The following TMEM71 variants were observed in gnomAD, a reference collection of about 807,000 sequenced individuals.
TMEM71 encodes transmembrane protein 71.
Under a neutral mutation model 38.0 loss-of-function variants are expected in TMEM71, and 44 were observed. The observed-to-expected ratio is 1.16, with a 90% CI of 0.91 to 1.49. The LOEUF is 1.49. Ranked by LOEUF, TMEM71 falls within the 40% of genes most tolerant of loss-of-function variation. The probability of loss-of-function intolerance (pLI) is 0.00; values close to 1 mark genes in which losing one functional copy is unlikely to be tolerated. For missense variants in TMEM71, 367 were observed against 348.6 expected (o/e 1.05, Z -0.42); for synonymous variants, 133 against 122.5 (o/e 1.09, Z -0.56).
At chr8:132,744,822 A>G (rs1200554808) in intron 5 of TMEM71, among the ~76,000 whole-genome samples, 1 of 152,206 alleles carries the variant, frequency 6.6e-6, no homozygotes, top group Non-Finnish European at 1.5e-5. Context: ...GTACTGGTAC[A>G]AAAACAAATT....
chr8:132,767,734 C>A, the TMEM71 span, among the ~76,000 whole-genome samples: 2 of 152,148 alleles, frequency 1.3e-5, no homozygotes, highest in Non-Finnish European at 2.9e-5. Context: ...CTTGGCCTCC[C>A]AAAGTGCTGG....
the TMEM71 span, among the ~76,000 whole-genome samples, chr8:132,771,501 T>C: frequency 3.3e-5 from 5 of 152,240 alleles, no homozygotes; most frequent in African/African-American, 1.2e-4. Context: ...CAGAGATCCA[T>C]GTGGCTCTGA....
At chr8:132,748,441 C>G (rs1406978135) in intron 4 of TMEM71, among the ~76,000 whole-genome samples, 1 of 152,168 alleles carries the variant, frequency 6.6e-6, no homozygotes, top group Non-Finnish European at 1.5e-5. Flanking sequence ...CAGTTGCCCA[C>G]AACAAATAAT....
intron 7 of TMEM71, among the ~76,000 whole-genome samples, chr8:132,721,140 A>T (rs556659914): frequency 6.6e-5 from 10 of 152,206 alleles, no homozygotes; most frequent in Non-Finnish European, 1.0e-4. Context: ...TATCTGGAGG[A>T]TTCTAAGAGG....
chr8:132,738,605 AT>A (rs1016989821), intron 5 of TMEM71, among the ~76,000 whole-genome samples: 4 of 152,210 alleles, frequency 2.6e-5, no homozygotes, highest in Non-Finnish European at 4.4e-5. Context: ...GAATCAAAAA[AT>A]ATTCTTGATT....
In TMEM71 at chr8:132,760,545, C is replaced by G. The variant is rs1287720125; in HGVS notation, c.-106G>C. 6.6e-6 allele frequency: 1 copy of G among 152,238 alleles called. No individual in the cohort carries two copies. Among genetic ancestry groups the G allele is most frequent in the East Asian group, 1.9e-4 (1 of 5,198 alleles). The allele number at this position is 152,238 out of a possible 1,614,324, so 9.4% of individuals were successfully genotyped here. On this transcript the variant is annotated 5_prime_UTR_variant, in exon 1 of 10. Transcript: ENST00000677595. Reference sequence around the variant, plus strand: ...TGCAGAGAAGTTTTGTCTTCGGCAGCCTCTTGTTCTCTTGTCTGTTTCCTG... The same window carrying G: ...TGCAGAGAAGTTTTGTCTTCGGCAGGCTCTTGTTCTCTTGTCTGTTTCCTG...
At chr8:132,762,649 T>A (rs1399302107), upstream of TMEM71, among the ~76,000 whole-genome samples, 2 of 152,228 alleles carry the variant, frequency 1.3e-5, no homozygotes, top group African/African-American at 4.8e-5. Context: ...GTATTATTAT[T>A]CTCATTTTAC....
intron 6 of TMEM71, among the ~76,000 whole-genome samples, chr8:132,726,369 A>G (rs930187152): frequency 6.6e-6 from 1 of 152,156 alleles, no homozygotes; most frequent in African/African-American, 2.4e-5. Flanking sequence ...CAGTGAAGTG[A>G]ATATTTATGA....
In TMEM71 at chr8:132,757,310, A is replaced by T. The variant is rs1586808395; in HGVS notation, c.41-16T>A. Reference sequence around the variant, plus strand: ...CTGGAAGAACCTGCATAAACAAATGAGAGAGAAGTAGAATGTATCATACCT... The same window carrying T: ...CTGGAAGAACCTGCATAAACAAATGTGAGAGAAGTAGAATGTATCATACCT... On this transcript the variant is annotated splice_polypyrimidine_tract_variant and intron_variant, in intron 2 of 9. Coordinates refer to ENST00000677595, the MANE Select transcript of TMEM71 (RefSeq NM_001382403.1). 1.7e-6 allele frequency: 1 copy of T among 580,984 alleles called. No individual in the cohort carries two copies. Among genetic ancestry groups the T allele is most frequent in the Non-Finnish European group, 2.4e-6 (1 of 412,516 alleles). The allele number at this position is 580,984 out of a possible 1,614,324, so 36.0% of individuals were successfully genotyped here.
chr8:132,766,431 A>G, the TMEM71 span, among the ~76,000 whole-genome samples: 1 of 151,922 alleles, frequency 6.6e-6, no homozygotes, highest in Non-Finnish European at 1.5e-5. Flanking sequence ...AAGAACTGGG[A>G]ATTGTTGTAT....
At chr8:132,731,809 A>G (rs901063663) in intron 5 of TMEM71, among the ~76,000 whole-genome samples, 1 of 152,236 alleles carries the variant, frequency 6.6e-6, no homozygotes, top group African/African-American at 2.4e-5. Flanking sequence ...GAATCTGAAC[A>G]GCCCCAGTTA....
chr8:132,775,406 AGGCGGCGGC>A, the TMEM71 span: 29 of 382,656 alleles, frequency 7.6e-5, no homozygotes, highest in African/African-American at 1.1e-4. Flanking sequence ...CCGGCGGCGG[AGGCGGCGGC>A]GGCGGCGGCG....
upstream of TMEM71, among the ~76,000 whole-genome samples, chr8:132,762,026 C>T (rs1008937709): frequency 1.3e-5 from 2 of 152,204 alleles, no homozygotes; most frequent in African/African-American, 2.4e-5. Flanking sequence ...CTAGCCCTGC[C>T]CAGCTCCCTG....
chr8:132,733,857 A>T (rs886264568), intron 5 of TMEM71, among the ~76,000 whole-genome samples: 3 of 152,226 alleles, frequency 2.0e-5, no homozygotes, highest in African/African-American at 7.2e-5. Flanking sequence ...TTGCAAGAAC[A>T]TGGATAAACC....
At chr8:132,735,578 G>A (rs1827703241) in intron 5 of TMEM71, among the ~76,000 whole-genome samples, 1 of 152,132 alleles carries the variant, frequency 6.6e-6, no homozygotes, top group Non-Finnish European at 1.5e-5. Flanking sequence ...TTTGGATGGA[G>A]GTAGTTTGAT....
chr8:132,719,923 C>G (rs1224215339), intron 7 of TMEM71, among the ~76,000 whole-genome samples: 1 of 152,156 alleles, frequency 6.6e-6, no homozygotes, highest in African/African-American at 2.4e-5. Context: ...TATGTTTAGT[C>G]ATTGCGTCTG....
chr8:132,709,923 T>G (rs990414782), downstream of TMEM71: 2 of 152,034 alleles, frequency 1.3e-5, no homozygotes, highest in African/African-American at 4.8e-5. Flanking sequence ...TACATATATA[T>G]ATACACACAC....
intron 5 of TMEM71, among the ~76,000 whole-genome samples, chr8:132,742,087 C>T (rs1462323545): frequency 6.6e-6 from 1 of 152,208 alleles, no homozygotes; most frequent in Non-Finnish European, 1.5e-5. Context: ...CCTCTCAGCT[C>T]CTATCTCTGT....
intron 4 of TMEM71, 73 bp from the exon 5 acceptor site, chr8:132,747,187 A>G: frequency 1.5e-6 from 2 of 1,323,286 alleles, no homozygotes; most frequent in Non-Finnish European, 2.0e-6. Flanking sequence ...TTTGAAGCGC[A>G]GAGTACATTT....
Sources: gnomAD v4.1 joint callset for allele counts (sites outside exome capture counted in the v4.1 genomes callset) on GRCh38, gnomAD v4.1.1 for gene constraint, MANE v1.5 for transcripts, NCBI Gene and HGNC (gene_info 2026-07-23, HGNC 2026-07-21) for gene names.